Variants in ZNF451 observed in about 807,000 individuals in gnomAD.
ZNF451 encodes E3 SUMO-protein ligase ZNF451.
ZNF451 carries 80 observed loss-of-function variants against 107.1 expected under a neutral mutation model. The ratio of observed to expected loss-of-function variants is 0.75; its 90% CI spans 0.62 to 0.90. The LOEUF is 0.90. Among genes scored for constraint, ZNF451 ranks in the 40% least tolerant of loss-of-function variants. The pLI is 0.00. For missense variants in ZNF451, 1,107 were observed against 1,236.2 expected (o/e 0.90, Z 1.57); for synonymous variants, 362 against 406.5 (o/e 0.89, Z 1.32).
intron 13 of ZNF451, 40 bp from the exon 14 acceptor site, chr6:57,161,044 T>A: frequency 7.5e-7 from 1 of 1,330,938 alleles, no homozygotes; most frequent in Non-Finnish European, 1.0e-6. Flanking sequence ...ATACATAAAT[T>A]TATGGCACAA....
At chr6:57,163,671 C>T (rs1763779715) in intron 14 of ZNF451, among the ~76,000 whole-genome samples, 2 of 151,122 alleles carry the variant, frequency 1.3e-5, no homozygotes, top group African/African-American at 2.4e-5. Context: ...AGGATGGTCT[C>T]GATCTCCTGA....
At chr6:57,112,262 G>C (rs746756605) in intron 3 of ZNF451, among the ~76,000 whole-genome samples, 1 of 152,124 alleles carries the variant, frequency 6.6e-6, no homozygotes, top group Non-Finnish European at 1.5e-5. Flanking sequence ...AATAATAAGC[G>C]GACTTTGAAA....
chr6:57,133,162 A>G lies in ZNF451; in HGVS notation c.545A>G (p.Asn182Ser). The change falls in exon 6 of 15, where the codon AAT becomes AGT. Residue 182 changes from asparagine (N) to serine (S), a missense_variant. Coordinates refer to ENST00000370706, the MANE Select transcript of ZNF451 (RefSeq NM_001031623.3). ...PIMHCNKEFD[N>S]GHLLLGHLKR... ...ATGCACTGTAACAAGGAGTTTGACAATGGGCACCTTCTCTTAGGACATTTG... is the reference window on the plus strand; with the variant it reads ...ATGCACTGTAACAAGGAGTTTGACAGTGGGCACCTTCTCTTAGGACATTTG... 3 of 1,614,112 alleles carry G rather than the reference A, an allele frequency of 1.9e-6. No individual in the cohort carries two copies. Among genetic ancestry groups the G allele is most frequent in the Non-Finnish European group, 2.5e-6 (3 of 1,179,978 alleles).
intron 3 of ZNF451, chr6:57,108,435 A>G (rs1428290697): frequency 2.0e-6 from 2 of 985,236 alleles, no homozygotes; most frequent in Non-Finnish European, 2.4e-6. Flanking sequence ...GTCCCTTAAT[A>G]CCTCTTTTGA....
At chr6:57,110,955 T>C (rs1450957892) in intron 3 of ZNF451, among the ~76,000 whole-genome samples, 2 of 151,656 alleles carry the variant, frequency 1.3e-5, no homozygotes, top group Non-Finnish European at 2.9e-5. Context: ...AGTCTCACTC[T>C]GGCGCCCAAG....
intron 3 of ZNF451, among the ~76,000 whole-genome samples, chr6:57,118,203 T>G (rs1316947103): frequency 6.6e-6 from 1 of 152,180 alleles, no homozygotes; most frequent in East Asian, 1.9e-4. Context: ...TTAGGAGAAT[T>G]GTCATTACTG....
At chr6:57,107,179 C>T (rs916779918) in intron 3 of ZNF451, 25 of 985,148 alleles carry the variant, frequency 2.5e-5, no homozygotes, top group Non-Finnish European at 2.9e-5. Context: ...ATGTTGTTAG[C>T]ATATCAGTTA....
intron 3 of ZNF451, chr6:57,104,697 C>G (rs887475116): frequency 5.1e-6 from 5 of 985,210 alleles, no homozygotes; most frequent in Admixed American, 6.2e-5. Context: ...TGTTGCGCAG[C>G]TCCTCCATTC....
intron 3 of ZNF451, chr6:57,106,192 G>A: frequency 1.0e-6 from 1 of 985,294 alleles, no homozygotes; most frequent in Non-Finnish European, 1.2e-6. Flanking sequence ...TGATGTGGAT[G>A]GACATGACAT....
At chr6:57,151,044 A>C in intron 11 of ZNF451, 182 bp downstream of exon 11, 1 of 681,048 alleles carries the variant, frequency 1.5e-6, no homozygotes, top group Non-Finnish European at 2.3e-6. Flanking sequence ...GGTAAATGTT[A>C]GCTCTATCTG....
intron 2 of ZNF451, among the ~76,000 whole-genome samples, chr6:57,092,207 C>G (rs541098095): frequency 6.6e-6 from 1 of 152,148 alleles, no homozygotes; most frequent in African/African-American, 2.4e-5. Context: ...TGAACTATGG[C>G]CCTTTTTGAG....
chr6:57,116,720 C>T (rs1830387910), intron 3 of ZNF451: 1 of 152,098 alleles, frequency 6.6e-6, no homozygotes, highest in African/African-American at 2.4e-5. Flanking sequence ...TCTCTACTAC[C>T]ATTCCTTTTC....
intron 3 of ZNF451, chr6:57,102,710 T>G: frequency 1.0e-6 from 1 of 985,424 alleles, no homozygotes; most frequent in African/African-American, 1.7e-5. Flanking sequence ...CAAATCAAAT[T>G]TTGCCAAATC....
chr6:57,144,124 A>G (rs1831929943), intron 9 of ZNF451, among the ~76,000 whole-genome samples: 1 of 152,002 alleles, frequency 6.6e-6, no homozygotes, highest in African/African-American at 2.4e-5. Context: ...ACATAACACA[A>G]TGTTCTAAAA....
intron 3 of ZNF451, chr6:57,103,487 T>C: frequency 5.1e-6 from 5 of 985,420 alleles, no homozygotes; most frequent in Non-Finnish European, 6.0e-6. Context: ...CTCAATTATA[T>C]GTCCCACAGT....
chr6:57,138,355 C>T lies in ZNF451; in HGVS notation c.703-2947C>T, dbSNP rs563690565. ...TCGGCTCACTGCAACCTCTGCCTCCCGGGTTCAAACGATTCTTCTGCCTCA... is the reference window on the plus strand; with the variant it reads ...TCGGCTCACTGCAACCTCTGCCTCCTGGGTTCAAACGATTCTTCTGCCTCA... On this transcript the variant is annotated intron_variant, in intron 7 of 14. Coordinates refer to ENST00000370706, the MANE Select transcript of ZNF451 (RefSeq NM_001031623.3). Among the ~76,000 whole-genome samples the T allele has an allele frequency of 3.0e-4, 45 of 151,738 alleles. No homozygotes were observed. In the East Asian group the frequency reaches 6.4e-3, roughly 22 times the overall value.
At chr6:57,101,192 C>T in intron 3 of ZNF451, 1 of 1,550,852 alleles carries the variant, frequency 6.4e-7, no homozygotes, top group Non-Finnish European at 8.7e-7. Flanking sequence ...TCTAGTTTCA[C>T]AGGTCTTTTG....
At chr6:57,155,857 A>ATACT (rs1397487206) in intron 13 of ZNF451, among the ~76,000 whole-genome samples, 1 of 142,182 alleles carries the variant, frequency 7.0e-6, no homozygotes, top group South Asian at 2.2e-4. Flanking sequence ...CATACTCAGT[A>ATACT]CTCATTTGAA....
At chr6:57,160,461 G>A (rs1763623112) in intron 13 of ZNF451, among the ~76,000 whole-genome samples, 1 of 152,066 alleles carries the variant, frequency 6.6e-6, no homozygotes, top group Non-Finnish European at 1.5e-5. Context: ...AGCCTCCCAA[G>A]TAGCTGGGAC....
Sources: allele counts gnomAD v4.1 joint callset (sites outside exome capture counted in the v4.1 genomes callset), GRCh38; gene constraint gnomAD v4.1.1; transcripts MANE v1.5; gene names NCBI Gene and HGNC (gene_info 2026-07-23, HGNC 2026-07-21).